CHRM5: variants seen among roughly 807,000 people sequenced by gnomAD.
CHRM5 encodes the protein cholinergic receptor muscarinic 5.
Under a neutral mutation model 39.0 loss-of-function variants are expected in CHRM5, and 18 were observed. The ratio of observed to expected loss-of-function variants is 0.46; its 90% confidence interval spans 0.32 to 0.68. The LOEUF (loss-of-function observed/expected upper bound fraction) is 0.68, where lower values mean the gene tolerates loss of function less well. CHRM5 is among the 30% of genes least tolerant of loss of function. The pLI, the probability that CHRM5 is intolerant of heterozygous loss-of-function variation, is 0.04. For missense variants in CHRM5, 515 were observed against 651.1 expected, an observed-to-expected ratio of 0.79 and a Z score of 2.28; for synonymous variants, 241 against 246.3, an observed-to-expected ratio of 0.98 and a Z score of 0.20.
chr15:34,008,777 C>T (rs1384902121), intron 1 of CHRM5, among the ~76,000 whole-genome samples: 2 of 151,980 alleles, frequency 1.3e-5, no homozygotes, highest in Non-Finnish European at 2.9e-5. Context: ...CGTGAGCCAC[C>T]GTGCCTAGCC....
intron 1 of CHRM5, among the ~76,000 whole-genome samples, chr15:34,035,956 C>T (rs1195572000): frequency 1.3e-5 from 2 of 152,034 alleles, no homozygotes; most frequent in Non-Finnish European, 2.9e-5. Flanking sequence ...CCGCCATGCT[C>T]GGCAGTTTTG....
intron 1 of CHRM5, among the ~76,000 whole-genome samples, chr15:33,981,774 T>G (rs1349077430): frequency 2.6e-5 from 4 of 152,226 alleles, no homozygotes; most frequent in Non-Finnish European, 5.9e-5. Context: ...AAGGGCTATT[T>G]TGAATTTAAA....
chr15:33,969,974 C>A (rs1360677111), intron 1 of CHRM5, among the ~76,000 whole-genome samples: 1 of 151,936 alleles, frequency 6.6e-6, no homozygotes, highest in East Asian at 1.9e-4. Context: ...AAAACGTTAT[C>A]ATTTAGCAGA....
chr15:34,036,657 C>G (rs990926459), intron 1 of CHRM5, among the ~76,000 whole-genome samples: 1 of 152,198 alleles, frequency 6.6e-6, no homozygotes, highest in African/African-American at 2.4e-5. Context: ...AAGGAACAAT[C>G]TGCCCAACAT....
intron 2 of CHRM5, among the ~76,000 whole-genome samples, chr15:34,053,524 A>G (rs1900022483): frequency 6.6e-6 from 1 of 151,780 alleles, no homozygotes; most frequent in Admixed American, 6.6e-5. Context: ...AAATAAAACT[A>G]CACATCTACA....
At chr15:34,038,156 C>T (rs559641219) in intron 1 of CHRM5, among the ~76,000 whole-genome samples, 21 of 152,260 alleles carry the variant, frequency 1.4e-4, no homozygotes, top group Non-Finnish European at 2.6e-4. Flanking sequence ...AAGCCCAGTG[C>T]TCGCTGATTT....
intron 2 of CHRM5, among the ~76,000 whole-genome samples, chr15:34,055,317 A>T (rs1597391345): frequency 6.6e-6 from 1 of 151,128 alleles, no homozygotes. Flanking sequence ...GGCCAACATG[A>T]TTAAACCCCA....
intron 1 of CHRM5, among the ~76,000 whole-genome samples, chr15:34,042,602 C>G (rs1441740369): frequency 6.6e-6 from 1 of 151,746 alleles, no homozygotes; most frequent in African/African-American, 2.4e-5. Context: ...GGGGTTTCTC[C>G]ATGTTGGTCA....
chr15:34,000,612 G>A (rs914646883), intron 1 of CHRM5, among the ~76,000 whole-genome samples: 4 of 152,202 alleles, frequency 2.6e-5, no homozygotes, highest in Admixed American at 2.0e-4. Flanking sequence ...GTTTCAAGGA[G>A]TATGGTCAGC....
chr15:34,019,450 A>G (rs551520390), intron 1 of CHRM5, among the ~76,000 whole-genome samples: 1 of 152,206 alleles, frequency 6.6e-6, no homozygotes, highest in Non-Finnish European at 1.5e-5. Flanking sequence ...AAAAAAGCAT[A>G]AGTTTAGTGT....
At chr15:34,052,038 A>G (rs938300334) in intron 2 of CHRM5, among the ~76,000 whole-genome samples, 4 of 152,176 alleles carry the variant, frequency 2.6e-5, no homozygotes, top group African/African-American at 9.6e-5. Context: ...GCAGAGATAC[A>G]ACAAAAAAAA....
At chr15:34,018,301 T>C (rs1250975831) in intron 1 of CHRM5, 2 of 152,278 alleles carry the variant, frequency 1.3e-5, no homozygotes, top group Non-Finnish European at 1.5e-5. Context: ...GTTCTCGGTC[T>C]CACTAACTTC....
intron 1 of CHRM5, among the ~76,000 whole-genome samples, chr15:33,998,790 C>T (rs1376044787): frequency 6.6e-6 from 1 of 152,220 alleles, no homozygotes; most frequent in Non-Finnish European, 1.5e-5. Flanking sequence ...TTCTACCACT[C>T]ATGCTCAGTC....
At chr15:34,024,337 G>C (rs1417642033) in intron 1 of CHRM5, among the ~76,000 whole-genome samples, 1 of 152,020 alleles carries the variant, frequency 6.6e-6, no homozygotes, top group Non-Finnish European at 1.5e-5. Flanking sequence ...GAAGAGTGAT[G>C]GGCGGCAATC....
At chr15:33,990,549 C>A (rs1896677267) in intron 1 of CHRM5, 1 of 152,190 alleles carries the variant, frequency 6.6e-6, no homozygotes. Context: ...TAAGCCATGT[C>A]CAGTATAACT....
chr15:34,008,980 C>CCATGGAGAAAACACTGAAA (rs1295062450), intron 1 of CHRM5, among the ~76,000 whole-genome samples: 2 of 129,066 alleles, frequency 1.5e-5, no homozygotes, highest in Non-Finnish European at 3.2e-5. Context: ...ACACACAGAC[C>CCATGGAGAAAACACTGAAA]ATCGAGAAAA....
intron 1 of CHRM5, among the ~76,000 whole-genome samples, chr15:34,017,479 T>G (rs977495401): frequency 3.3e-4 from 16 of 48,794 alleles, no homozygotes; most frequent in African/African-American, 6.5e-4. Flanking sequence ...TATGATTTTT[T>G]TTTTGTTTTT....
chr15:34,064,521 T>G lies in CHRM5; in HGVS notation c.*205T>G, dbSNP rs1900460282. 3.2e-6 allele frequency: 2 copies of G among 634,122 alleles called. No individual in the cohort carries two copies. The highest frequency in any genetic ancestry group is 4.3e-5 in the South Asian group (2 of 46,858). 39.3% of individuals were successfully genotyped at this position (634,122 alleles called of 1,614,324 possible). On this transcript the variant is annotated 3_prime_UTR_variant, in exon 3 of 3. Coordinates refer to ENST00000383263, the MANE Select transcript of CHRM5 (RefSeq NM_012125.4). The stretch of plus-strand genomic sequence containing the variant: ...TGACATATTAAATGACTCTTGCCTA[T>G]GACCAAGGCCATTTGATGCCAGGGG...
At chr15:34,030,307 T>C (rs750540400) in intron 1 of CHRM5, among the ~76,000 whole-genome samples, 29 of 152,172 alleles carry the variant, frequency 1.9e-4, no homozygotes, top group Non-Finnish European at 3.7e-4. Flanking sequence ...AAATTCACAT[T>C]GCATGAAACT....
Sources: gnomAD v4.1 joint callset for allele counts (sites outside exome capture counted in the v4.1 genomes callset) on GRCh38, gnomAD v4.1.1 for gene constraint, MANE v1.5 for transcripts, NCBI Gene and HGNC (gene_info 2026-07-23, HGNC 2026-07-21) for gene names.